LZTR1: variants seen among roughly 807,000 people sequenced by gnomAD.
The protein encoded by LZTR1 is leucine-zipper-like transcriptional regulator 1.
A neutral mutation model predicts 105.7 loss-of-function variants in LZTR1; 260 were observed. That is an observed-to-expected ratio of 2.46 (90% CI 2.22 to 2.72). The LOEUF (loss-of-function observed/expected upper bound fraction) is 2.72. Ranked by LOEUF, LZTR1 falls within the 30% of genes most tolerant of loss-of-function variation. The pLI, the probability that LZTR1 is intolerant of heterozygous loss-of-function variation, is 0.00. For synonymous variants in LZTR1, 490 were observed against 476.4 expected (o/e 1.03, Z -0.37); for missense variants, 1,214 against 1,166.9 (o/e 1.04, Z -0.59).
chr22:20,995,410 C>G (rs1469951200), intron 16 of LZTR1: 2 of 616,288 alleles, frequency 3.2e-6, no homozygotes, highest in Admixed American at 2.1e-5. Flanking sequence ...TGTGCTGACC[C>G]CGGTTGCTGG....
Position 20,997,622 on chromosome 22 carries a change from C to A in LZTR1, c.*274C>A. The A allele has an allele frequency of 2.8e-6, 1 of 351,374 alleles. No individual in the cohort carries two copies. Among genetic ancestry groups the A allele is most frequent in the South Asian group, 3.4e-5 (1 of 29,740 alleles). The allele number at this position is 351,374 out of a possible 1,614,324, so 21.8% of individuals were successfully genotyped here. A position where few individuals can be genotyped will look rare whatever the true frequency, so the allele number is the denominator to read the frequency against. On this transcript the variant is annotated 3_prime_UTR_variant, in exon 21 of 21. Transcript: ENST00000646124. ...GTAGTGTGGATGCGAGGCCACGGCT[C>A]AGTGATGGGCTCACCACCCAGAAGT...
intron 8 of LZTR1, 194 bp from the exon 9 acceptor site, chr22:20,991,434 C>G: frequency 1.7e-6 from 1 of 583,272 alleles, no homozygotes; most frequent in Non-Finnish European, 3.0e-6. Context: ...CCACATGGAG[C>G]CAGGCAGGGC....
Position 20,992,892 on chromosome 22 carries a change from G to A in LZTR1, c.1248G>A (p.Met416Ile). ...ACAACAACATCCGCAGCGGGGAGAT[G>A]TACAGGTTCCAGGTGTGGGGCCTGT... is the stretch of plus-strand genomic sequence containing the variant. ...TVDNNIRSGE[M>I]YRFQFSCYPK... Residue 416 changes from methionine to isoleucine, a missense_variant, in exon 11 of 21, where the codon ATG becomes ATA. Physicochemically the swap from Met to Ile is conservative, Grantham distance 10. Transcript: ENST00000646124. The A allele has an allele frequency of 2.5e-6, 4 of 1,601,746 alleles. No homozygotes were observed. Among genetic ancestry groups the A allele is most frequent in the Non-Finnish European group, 3.4e-6 (4 of 1,173,072 alleles).
rs1414915258 is a variant in LZTR1 at position 20,997,486 on chromosome 22, AAG to A, written c.*143_*144del. 1 of 678,678 alleles carries A rather than the reference AAG, an allele frequency of 1.5e-6. No individual in the cohort carries two copies. The highest frequency in any genetic ancestry group is 1.8e-5 in the African/African-American group (1 of 56,140). 42.0% of individuals were successfully genotyped at this position (678,678 alleles called of 1,614,324 possible). A position where few individuals can be genotyped will look rare whatever the true frequency, so the allele number is the denominator to read the frequency against. On this transcript the variant is annotated 3_prime_UTR_variant, in exon 21 of 21. Transcript: ENST00000646124. ...AGGGTCAGGGTGCCCAGAGCCTCCA[AAG>A]AGAGCTGAGGGGATGTGGGGCCCCA... is the stretch of plus-strand genomic sequence containing the variant.
chr22:20,985,154 G>A (rs934893646), intron 2 of LZTR1, among the ~76,000 whole-genome samples: 5 of 145,446 alleles, frequency 3.4e-5, no homozygotes, highest in Admixed American at 7.1e-5. Context: ...TCTGCCTCCC[G>A]GGTTCAAGCG....
At chr22:20,986,446 CAAAG>C (rs559298096) in intron 3 of LZTR1, 8 of 132,570 alleles carry the variant, frequency 6.0e-5, no homozygotes, top group East Asian at 4.3e-4. Flanking sequence ...GATAGAAAGA[CAAAG>C]AGAGATGATA....
rs908051975 is a variant in LZTR1, at chr22:20,985,822, T to C, written c.264-19T>C. Reference sequence around the variant, plus strand: ...AGTAGACCTGGCTAATGCCACCCTCTCTTCCGGCTGCCTTTCAGGAAGACC... The same window carrying C: ...AGTAGACCTGGCTAATGCCACCCTCCCTTCCGGCTGCCTTTCAGGAAGACC... On this transcript the variant is annotated intron_variant, in intron 2 of 20. Coordinates refer to ENST00000646124, the MANE Select transcript of LZTR1 (RefSeq NM_006767.4). The C allele has an allele frequency of 4.3e-6, 7 of 1,613,730 alleles. No homozygotes were observed. Among genetic ancestry groups the C allele is most frequent in the Admixed American group, 1.7e-5 (1 of 60,008 alleles).
intron 2 of LZTR1, among the ~76,000 whole-genome samples, chr22:20,985,121 C>T (rs973829494): frequency 4.3e-5 from 6 of 139,034 alleles, no homozygotes; most frequent in Admixed American, 7.7e-5. Flanking sequence ...TGTTCAGTGG[C>T]GCCATCTTGG....
chr22:20,985,998 C>T, intron 3 of LZTR1, 101 bp downstream of exon 3: 1 of 1,286,852 alleles, frequency 7.8e-7, no homozygotes, highest in East Asian at 2.4e-5. Context: ...TCATGGGAAG[C>T]TAGAAAGAAG....
rs1285639464 is a variant in LZTR1, at chr22:20,997,924, G to A, written c.*576G>A. ...CACCTGACTTGAGGTGAATTTTGGAGTGAAGGGCCCTGAGGTCAGCTCCCA... is the reference window on the plus strand; with the variant it reads ...CACCTGACTTGAGGTGAATTTTGGAATGAAGGGCCCTGAGGTCAGCTCCCA... On this transcript the variant is annotated 3_prime_UTR_variant, in exon 21 of 21. Transcript: ENST00000646124. The A allele has an allele frequency of 1.3e-5, 2 of 152,740 alleles. No homozygotes were observed. The highest frequency in any genetic ancestry group is 3.9e-4 in the East Asian group (2 of 5,178). The allele number at this position is 152,740 out of a possible 1,614,324, so 9.5% of individuals were successfully genotyped here.
intron 2 of LZTR1, among the ~76,000 whole-genome samples, chr22:20,984,619 G>GC (rs374730839): frequency 0.048 from 7,149 of 149,762 alleles, 787 homozygotes; most frequent in African/African-American, 0.17. Context: ...AAGGAGGGGG[G>GC]GGGGGCGGTA....
chr22:20,995,630 C>T (rs1924806866), intron 16 of LZTR1, 116 bp from the exon 17 acceptor site: 12 of 1,315,112 alleles, frequency 9.1e-6, no homozygotes, highest in Non-Finnish European at 1.3e-5. Context: ...GGCCTTCTGC[C>T]TGGGTGAAGT....
intron 8 of LZTR1, chr22:20,991,283 C>G: frequency 3.6e-6 from 1 of 276,178 alleles, no homozygotes; most frequent in Non-Finnish European, 6.9e-6. Flanking sequence ...AGCGTGAACA[C>G]AGTGACCTGC....
rs1601718958 is a variant in LZTR1 at position 20,990,738 on chromosome 22, G to A, written c.791+213G>A. Reference sequence around the variant, plus strand: ...GCTTAGCAAGATAAGGCCTGGCGAGGAGGCCCCTGGCTAGGCCTCCCTCTG... The same window carrying A: ...GCTTAGCAAGATAAGGCCTGGCGAGAAGGCCCCTGGCTAGGCCTCCCTCTG... On this transcript the variant is annotated intron_variant, in intron 8 of 20. Coordinates refer to ENST00000646124, the MANE Select transcript of LZTR1 (RefSeq NM_006767.4). 5.5e-6 allele frequency: 3 copies of A among 548,438 alleles called. No individual in the cohort carries two copies. The East Asian group carries it at 9.9e-5, about 18-fold the overall frequency. The allele number at this position is 548,438 out of a possible 1,614,324, so 34.0% of individuals were successfully genotyped here. A position where few individuals can be genotyped will look rare whatever the true frequency, so the allele number is the denominator to read the frequency against.
chr22:20,994,542 G>C lies in LZTR1; in HGVS notation c.1616-16G>C. 1 of 1,604,798 alleles carries C rather than the reference G, an allele frequency of 6.2e-7. No homozygotes were observed. The highest frequency in any genetic ancestry group is 8.5e-7 in the Non-Finnish European group (1 of 1,177,942). On this transcript the variant is annotated splice_polypyrimidine_tract_variant and intron_variant, in intron 14 of 20. Transcript: ENST00000646124. ...CCCTCTCCGGCTCCCTGAGATTCGG[G>C]GGCTCTGGGGCGCAGGCCATGTGGA...
chr22:20,984,229 T>C (rs1404307689), intron 2 of LZTR1, among the ~76,000 whole-genome samples: 1 of 152,214 alleles, frequency 6.6e-6, no homozygotes, highest in Non-Finnish European at 1.5e-5. Flanking sequence ...ATCCATCTCT[T>C]CAGTCAAGGC....
rs1482558954 is a variant in LZTR1, at chr22:20,987,905, T to C, written c.401-105T>C. 1.1e-5 allele frequency: 8 copies of C among 742,590 alleles called. No individual in the cohort carries two copies. In the Admixed American group the frequency reaches 1.5e-4, roughly 14 times the overall value. 46.0% of individuals were successfully genotyped at this position (742,590 alleles called of 1,614,324 possible). On this transcript the variant is annotated intron_variant, in intron 4 of 20. Transcript: ENST00000646124. ...GTTCCGGGGCTTGTGGAAGGAGTCCTGGCTTATGCATTTTCAGGGGGGCCA... is the reference window on the plus strand; with the variant it reads ...GTTCCGGGGCTTGTGGAAGGAGTCCCGGCTTATGCATTTTCAGGGGGGCCA...
At chr22:20,982,944 G>A (rs1235752939) in intron 1 of LZTR1, 83 bp from the exon 2 acceptor site, 3 of 1,117,490 alleles carry the variant, frequency 2.7e-6, no homozygotes, top group Non-Finnish European at 4.1e-6. Flanking sequence ...TAACTTCCGT[G>A]GCAGCTCTCC....
rs139031749 is a variant in LZTR1 at position 20,993,982 on chromosome 22, G to C, written c.1412G>C (p.Arg471Pro). ...AIVTARSRWL[R>P]RKITQARERL... ...GTCACAGCGCGGAGCCGCTGGCTTC[G>C]CAGGAAGATCACGCAGGCGCGGGAG... The change falls in exon 13 of 21, where the codon CGC becomes CCC. Residue 471 changes from arginine (R) to proline (P), a missense_variant. Physicochemically the swap from Arg to Pro is moderately radical, Grantham distance 103. Coordinates refer to ENST00000646124, the MANE Select transcript of LZTR1 (RefSeq NM_006767.4). The C allele has an allele frequency of 1.2e-6, 2 of 1,612,196 alleles. No homozygotes were observed. The highest frequency in any genetic ancestry group is 1.7e-6 in the Non-Finnish European group (2 of 1,179,768).
Sources: allele counts gnomAD v4.1 joint callset (sites outside exome capture counted in the v4.1 genomes callset), GRCh38; gene constraint gnomAD v4.1.1; transcripts MANE v1.5; gene names NCBI Gene and HGNC (gene_info 2026-07-23, HGNC 2026-07-21).